The following COL5A1 variants were observed in gnomAD, a reference collection of about 807,000 sequenced individuals.
COL5A1 encodes the protein collagen type V alpha 1 chain.
Under a neutral mutation model 263.7 loss-of-function variants are expected in COL5A1, and 16 were observed. The ratio of observed to expected loss-of-function variants is 0.06; its 90% CI spans 0.04 to 0.09. The LOEUF is 0.09. Ranked by LOEUF, COL5A1 falls within the 10% of genes least tolerant of loss-of-function variation. COL5A1 has a pLI of 1.00. For synonymous variants in COL5A1, 1,012 were observed against 1,004.5 expected, an observed-to-expected ratio of 1.01 and a Z score of -0.14; for missense variants, 2,036 against 2,540.5, an observed-to-expected ratio of 0.80 and a Z score of 4.27.
At chr9:134,816,168 T>C (rs1028495534) in intron 52 of COL5A1, among the ~76,000 whole-genome samples, 180 bp downstream of exon 52, 8 of 152,222 alleles carry the variant, frequency 5.3e-5, no homozygotes, top group African/African-American at 1.7e-4. Flanking sequence ...TGATATTGAT[T>C]CTGGACAGTG....
intron 60 of COL5A1, 100 bp from the exon 61 acceptor site, chr9:134,823,315 TC>T: frequency 7.6e-7 from 1 of 1,313,434 alleles, no homozygotes; most frequent in Non-Finnish European, 1.1e-6. Context: ...TAGGGCCACC[TC>T]CCCCACATAG....
At position 134,795,069 on chromosome 9, in the gene COL5A1, T is replaced by C; in HGVS notation, c.2701-13T>C. 1.2e-6 allele frequency: 2 copies of C among 1,613,672 alleles called. No homozygotes were observed. The highest frequency in any genetic ancestry group is 1.7e-6 in the Non-Finnish European group (2 of 1,179,780). On this transcript the variant is annotated splice_polypyrimidine_tract_variant and intron_variant, in intron 32 of 65. Coordinates refer to ENST00000371817, the MANE Select transcript of COL5A1 (RefSeq NM_000093.5). Reference sequence around the variant, plus strand: ...TTTAGAGAGTGACTGACCAGCCCCTTCTCTGATTCTAGGGGACCCCTGGAA... The same window carrying C: ...TTTAGAGAGTGACTGACCAGCCCCTCCTCTGATTCTAGGGGACCCCTGGAA...
In COL5A1 at chr9:134,682,943, T is replaced by C. The variant is rs542015143; in HGVS notation, c.110-7969T>C. ...CAGTGCTTAAAGATATTGAACTTGT[T>C]TAGGGGAAAAAAAGGAATTAGAGAA... On this transcript the variant is annotated intron_variant, in intron 1 of 65. Transcript: ENST00000371817. This position sits in a 1 kb window ranked among gnomAD's most constrained non-coding sequence, Gnocchi z 5.1. Among the ~76,000 whole-genome samples, 3 of 152,070 alleles carry C rather than the reference T, an allele frequency of 2.0e-5. No individual in the cohort carries two copies. The highest frequency in any genetic ancestry group is 7.2e-5 in the African/African-American group (3 of 41,478).
intron 4 of COL5A1, among the ~76,000 whole-genome samples, chr9:134,704,022 T>C (rs1833762478): frequency 6.6e-6 from 1 of 152,154 alleles, no homozygotes; most frequent in Non-Finnish European, 1.5e-5. Flanking sequence ...GTTGTAAAGA[T>C]TCAGGAAAAA....
At chr9:134,675,658 A>G (rs1312381635) in intron 1 of COL5A1, among the ~76,000 whole-genome samples, 1 of 152,180 alleles carries the variant, frequency 6.6e-6, no homozygotes, top group African/African-American at 2.4e-5. Context: ...TGTGCTCCAC[A>G]TGACTTCAGG....
At chr9:134,810,972 A>T (rs1838499956) in intron 44 of COL5A1, among the ~76,000 whole-genome samples, 1 of 152,154 alleles carries the variant, frequency 6.6e-6, no homozygotes, top group South Asian at 2.1e-4. Flanking sequence ...ATGGCACAGC[A>T]GGGGACATGG....
At chr9:134,773,343 G>A (rs902804260) in intron 26 of COL5A1, among the ~76,000 whole-genome samples, 2 of 151,996 alleles carry the variant, frequency 1.3e-5, no homozygotes, top group Admixed American at 6.5e-5. Context: ...GTCCACCAGC[G>A]CCTTCTCTCC....
At position 134,645,232 on chromosome 9, in the gene COL5A1, C is replaced by G. The variant is rs543383253; in HGVS notation, c.109+2936C>G. Among the ~76,000 whole-genome samples, 11 of 152,354 alleles carry G rather than the reference C, an allele frequency of 7.2e-5. No individual in the cohort carries two copies. The East Asian group carries it at 2.1e-3, about 29-fold the overall frequency. On this transcript the variant is annotated intron_variant, in intron 1 of 65. Transcript: ENST00000371817. Reference sequence around the variant, plus strand: ...GCTGGCCAGAGCCTGCTCTTCACCCCGCCCTGCAGATATTTCTGGACTCCC... The same window carrying G: ...GCTGGCCAGAGCCTGCTCTTCACCCGGCCCTGCAGATATTTCTGGACTCCC...
At position 134,782,644 on chromosome 9, in the gene COL5A1, G is replaced by T. The variant is rs767588823; in HGVS notation, c.2431-23G>T. 83 of 1,613,082 alleles carry T rather than the reference G, an allele frequency of 5.1e-5. 2 individuals are homozygous for T. In the South Asian group the frequency reaches 8.5e-4, roughly 16 times the overall value. On this transcript the variant is annotated intron_variant, in intron 28 of 65. Coordinates refer to ENST00000371817, the MANE Select transcript of COL5A1 (RefSeq NM_000093.5). The stretch of plus-strand genomic sequence containing the variant: ...GGCGGGTCCTCTTGCCTAGACTAGG[G>T]CACTCTCTTGTCCCATATTCAGGGT...
intron 63 of COL5A1, among the ~76,000 whole-genome samples, chr9:134,828,848 TAAC>T (rs1333468375): frequency 6.8e-6 from 1 of 146,260 alleles, no homozygotes; most frequent in Admixed American, 6.8e-5. Context: ...GATACACCCA[TAAC>T]ACACTACACA....
intron 27 of COL5A1, among the ~76,000 whole-genome samples, chr9:134,775,230 T>C (rs934021432): frequency 1.3e-5 from 2 of 152,236 alleles, no homozygotes; most frequent in African/African-American, 4.8e-5. Flanking sequence ...GCCTCTTTAA[T>C]TGTTGCCATT....
chr9:134,646,577 A>G (rs1408896240), intron 1 of COL5A1, among the ~76,000 whole-genome samples: 1 of 152,202 alleles, frequency 6.6e-6, no homozygotes, highest in African/African-American at 2.4e-5. Flanking sequence ...GGAGAATACA[A>G]GTGCCCCTAA....
At chr9:134,808,272 C>T (rs1013170676) in intron 42 of COL5A1, among the ~76,000 whole-genome samples, 4 of 152,064 alleles carry the variant, frequency 2.6e-5, no homozygotes, top group African/African-American at 4.8e-5. Context: ...GTGTATCTGT[C>T]GGAAGATAGG....
In COL5A1 at chr9:134,641,981, A is replaced by T. The variant is rs1831302440; in HGVS notation, c.-207A>T. ...CCGGCCGCCCCGCGGGCCAAAGTCGAGCCCTCCCGCCCGTGGGCGAGCGCG... is the reference window on the plus strand; with the variant it reads ...CCGGCCGCCCCGCGGGCCAAAGTCGTGCCCTCCCGCCCGTGGGCGAGCGCG... On this transcript the variant is annotated 5_prime_UTR_variant, in exon 1 of 66. Coordinates refer to ENST00000371817, the MANE Select transcript of COL5A1 (RefSeq NM_000093.5). The T allele has an allele frequency of 2.4e-6, 1 of 423,296 alleles. No individual in the cohort carries two copies. The highest frequency in any genetic ancestry group is 4.4e-5 in the Admixed American group (1 of 22,506). 26.2% of individuals were successfully genotyped at this position (423,296 alleles called of 1,614,324 possible). A position where few individuals can be genotyped will look rare whatever the true frequency, so the allele number is the denominator to read the frequency against.
intron 52 of COL5A1, among the ~76,000 whole-genome samples, chr9:134,816,306 T>A (rs1232627990): frequency 2.6e-5 from 4 of 152,194 alleles, no homozygotes; most frequent in African/African-American, 9.6e-5. Flanking sequence ...CAGCTCTGCC[T>A]AGCAGGGCCA....
chr9:134,761,807 G>C, intron 18 of COL5A1, 118 bp from the exon 19 acceptor site: 1 of 1,021,014 alleles, frequency 9.8e-7, no homozygotes, highest in Non-Finnish European at 1.6e-6. Context: ...ATTCTGGAAG[G>C]GTCTTTTGAG....
intron 26 of COL5A1, among the ~76,000 whole-genome samples, chr9:134,774,118 G>A (rs981416756): frequency 2.0e-5 from 3 of 152,238 alleles, no homozygotes; most frequent in Admixed American, 1.3e-4. Context: ...CAACTGGAAC[G>A]AGAGGCATTC....
At chr9:134,703,781 G>A (rs1013581249) in intron 4 of COL5A1, among the ~76,000 whole-genome samples, 1 of 151,934 alleles carries the variant, frequency 6.6e-6, no homozygotes, top group Non-Finnish European at 1.5e-5. Context: ...GGGACTACAG[G>A]CGCCCGCCAC....
chr9:134,779,927 A>G (rs1837189600), intron 27 of COL5A1, among the ~76,000 whole-genome samples, 175 bp from the exon 28 acceptor site: 2 of 152,122 alleles, frequency 1.3e-5, no homozygotes, highest in African/African-American at 4.8e-5. Flanking sequence ...AATTGTGGAC[A>G]CGCTGGGCCT....
Sources: gnomAD v4.1 joint callset for allele counts (sites outside exome capture counted in the v4.1 genomes callset) on GRCh38, gnomAD v4.1.1 for gene constraint, Gnocchi (gnomAD v3.1) non-coding constraint, MANE v1.5 for transcripts, NCBI Gene and HGNC (gene_info 2026-07-23, HGNC 2026-07-21) for gene names.